The following KAZN variants were observed in gnomAD, a reference collection of about 807,000 sequenced individuals.
KAZN encodes kazrin.
In KAZN, 40 loss-of-function variants were observed where a neutral mutation model predicts 87.4. That is an observed-to-expected ratio of 0.46 (90% CI 0.36 to 0.60). The LOEUF is 0.60. Among genes scored for constraint, KAZN ranks in the 20% least tolerant of loss-of-function variants. The pLI, the probability that KAZN is intolerant of heterozygous loss-of-function variation, is 0.00. For synonymous variants in KAZN, 466 were observed against 458.3 expected, an observed-to-expected ratio of 1.02 and a Z score of -0.22; for missense variants, 898 against 1,073.9, an observed-to-expected ratio of 0.84 and a Z score of 2.29.
intron 2 of KAZN, among the ~76,000 whole-genome samples, chr1:14,223,575 TCTTC>T (rs1281569792): frequency 6.6e-5 from 10 of 152,222 alleles, no homozygotes; most frequent in African/African-American, 2.4e-4. Context: ...TGTGTCTTCT[TCTTC>T]CTTATGTTCT....
intron 3 of KAZN, among the ~76,000 whole-genome samples, chr1:15,042,655 C>A (rs181927506): frequency 2.6e-5 from 4 of 152,156 alleles, no homozygotes; most frequent in Admixed American, 2.0e-4. Context: ...CATTGCAAAG[C>A]CAGGATTTGG....
intron 1 of KAZN, among the ~76,000 whole-genome samples, chr1:14,920,497 C>A (rs775919592): frequency 1.1e-4 from 16 of 151,882 alleles, no homozygotes; most frequent in Admixed American, 3.3e-4. Context: ...ACCCCCAAAT[C>A]CCCCCTTCCT....
chr1:14,145,912 T>A (rs1645338855), intron 1 of KAZN, among the ~76,000 whole-genome samples: 1 of 152,250 alleles, frequency 6.6e-6, no homozygotes, highest in African/African-American at 2.4e-5. Context: ...ATGATTATAC[T>A]TCCTGTCTTG....
chr1:14,813,825 T>C (rs1243942463), intron 1 of KAZN, among the ~76,000 whole-genome samples: 1 of 152,190 alleles, frequency 6.6e-6, no homozygotes, highest in Non-Finnish European at 1.5e-5. Flanking sequence ...TAATACCTCA[T>C]TCAGGGGTCG....
chr1:14,590,471 A>G (rs1479451085), intron 2 of KAZN, among the ~76,000 whole-genome samples: 2 of 152,170 alleles, frequency 1.3e-5, no homozygotes, highest in Admixed American at 1.3e-4. Context: ...AAAGGTGGAA[A>G]CCTTAGAATT....
chr1:14,350,416 C>T (rs1216249588), intron 2 of KAZN, among the ~76,000 whole-genome samples: 1 of 152,208 alleles, frequency 6.6e-6, no homozygotes, highest in African/African-American at 2.4e-5. Context: ...CCTGGTTCCT[C>T]ATTATGGCTG....
At chr1:14,704,075 G>A (rs1642076670) in intron 1 of KAZN, among the ~76,000 whole-genome samples, 1 of 152,186 alleles carries the variant, frequency 6.6e-6, no homozygotes, top group Admixed American at 6.5e-5. Context: ...GAAAGTAGTA[G>A]GCTATGAATC....
chr1:14,847,882 A>T (rs1446024397), intron 1 of KAZN, among the ~76,000 whole-genome samples: 1 of 152,132 alleles, frequency 6.6e-6, no homozygotes. Flanking sequence ...TGGGAGGCTG[A>T]GGTGAGAGGA....
At chr1:14,705,121 A>C (rs1214107620) in intron 1 of KAZN, among the ~76,000 whole-genome samples, 1 of 152,094 alleles carries the variant, frequency 6.6e-6, no homozygotes, top group East Asian at 1.9e-4. Context: ...GTTTCTCTGT[A>C]TGCCTCTCTC....
intron 2 of KAZN, among the ~76,000 whole-genome samples, chr1:14,520,351 C>T (rs980110216): frequency 1.3e-5 from 2 of 151,982 alleles, no homozygotes; most frequent in Admixed American, 1.3e-4. Flanking sequence ...CATGGGGTGC[C>T]ATGATAGACG....
intron 1 of KAZN, among the ~76,000 whole-genome samples, chr1:14,150,455 C>T (rs1160680107): frequency 6.6e-6 from 1 of 152,220 alleles, no homozygotes; most frequent in Non-Finnish European, 1.5e-5. Context: ...CAACAAAGAA[C>T]CATCTGCCCC....
intron 2 of KAZN, among the ~76,000 whole-genome samples, chr1:14,380,644 G>A (rs1661286846): frequency 6.6e-6 from 1 of 152,078 alleles, no homozygotes; most frequent in Admixed American, 6.6e-5. Flanking sequence ...TGAGGCTGAA[G>A]ACAGACCATT....
At chr1:14,336,764 T>A (rs1425496243) in intron 2 of KAZN, among the ~76,000 whole-genome samples, 2 of 152,230 alleles carry the variant, frequency 1.3e-5, no homozygotes, top group East Asian at 3.8e-4. Flanking sequence ...TGGACAAATG[T>A]CTATCCAAGT....
chr1:14,219,228 T>G (rs1647037406), intron 2 of KAZN, among the ~76,000 whole-genome samples: 1 of 152,084 alleles, frequency 6.6e-6, no homozygotes, highest in East Asian at 1.9e-4. Context: ...AAAGGAAAGC[T>G]CAGAAGCGAT....
intron 2 of KAZN, among the ~76,000 whole-genome samples, chr1:14,493,725 T>C (rs1361725784): frequency 6.6e-6 from 1 of 152,244 alleles, no homozygotes; most frequent in East Asian, 1.9e-4. Context: ...TATATTCTTA[T>C]GTCTGATTTC....
rs567497546 is a variant in KAZN at position 14,575,222 on chromosome 1, A to G, written c.250-23761A>G. On this transcript the variant is annotated intron_variant, in intron 2 of 16. Transcript: ENST00000636203. ...GGGAAGGAGATAAGAGTGGGGTAGT[A>G]GTGGATTAGTCTGTTCTCATGCTGC... Among the ~76,000 whole-genome samples the G allele has an allele frequency of 3.9e-5, 6 of 152,068 alleles. No homozygotes were observed. The South Asian group carries it at 1.2e-3, about 32-fold the overall frequency.
At chr1:15,079,037 G>T (rs757891915) in intron 8 of KAZN, among the ~76,000 whole-genome samples, 6 of 152,224 alleles carry the variant, frequency 3.9e-5, no homozygotes, top group Admixed American at 6.5e-5. Flanking sequence ...AGGGAGATCG[G>T]AGGTGGGACA....
At chr1:15,069,147 G>A (rs1445177316) in intron 8 of KAZN, among the ~76,000 whole-genome samples, 1 of 152,126 alleles carries the variant, frequency 6.6e-6, no homozygotes, top group Non-Finnish European at 1.5e-5. Context: ...AGGAGGGCAA[G>A]TGTGGCCACA....
In KAZN at chr1:15,103,950, C is replaced by T. The variant is rs542866090; in HGVS notation, c.1882-73C>T. On this transcript the variant is annotated intron_variant, in intron 12 of 14. Transcript: ENST00000376030. ...CCTTGCTGTTGGGGACAGAGCCCCACGTGGAACTGGGGCCCCCTTAGGCCA... is the reference window on the plus strand; with the variant it reads ...CCTTGCTGTTGGGGACAGAGCCCCATGTGGAACTGGGGCCCCCTTAGGCCA... 2.3e-5 allele frequency: 34 copies of T among 1,457,204 alleles called. No homozygotes were observed. In the South Asian group the frequency reaches 3.4e-4, roughly 14 times the overall value. The allele number at this position is 1,457,204 out of a possible 1,614,324, so 90.3% of individuals were successfully genotyped here.
Sources: allele counts gnomAD v4.1 joint callset (sites outside exome capture counted in the v4.1 genomes callset), GRCh38; gene constraint gnomAD v4.1.1; transcripts MANE v1.5; gene names NCBI Gene and HGNC (gene_info 2026-07-23, HGNC 2026-07-21).